RARS2: variants seen among roughly 807,000 people sequenced by gnomAD.
RARS2 encodes probable arginine--tRNA ligase, mitochondrial.
RARS2 carries 67 observed loss-of-function variants against 88.5 expected under a neutral mutation model. The observed-to-expected ratio is 0.76, with a 90% CI of 0.62 to 0.93. The LOEUF (loss-of-function observed/expected upper bound fraction) is 0.93, where lower values mean the gene tolerates loss of function less well. Ranked by LOEUF, RARS2 falls within the 40% of genes least tolerant of loss-of-function variation. The probability of loss-of-function intolerance (pLI) is 0.00; values close to 1 mark genes in which losing one functional copy is unlikely to be tolerated. For synonymous variants in RARS2, 239 were observed against 230.3 expected (o/e 1.04, Z -0.34); for missense variants, 664 against 684.2 (o/e 0.97, Z 0.33).
chr6:87,561,011 T>C (rs1379912310), intron 4 of RARS2, among the ~76,000 whole-genome samples: 2 of 152,250 alleles, frequency 1.3e-5, no homozygotes, highest in African/African-American at 2.4e-5. Context: ...TAATACTTCA[T>C]TATAAATGAC....
chr6:87,548,726 T>A (rs1479973360), intron 5 of RARS2, 80 bp from the exon 6 acceptor site: 1 of 1,318,162 alleles, frequency 7.6e-7, no homozygotes, highest in Non-Finnish European at 1.1e-6. Context: ...CTCCATACTT[T>A]GACAAAACTG....
intron 5 of RARS2, among the ~76,000 whole-genome samples, chr6:87,552,735 G>A (rs945301378): frequency 6.6e-6 from 1 of 151,974 alleles, no homozygotes; most frequent in African/African-American, 2.4e-5. Context: ...AGCTTAGCTG[G>A]AGTAAAAAGA....
intron 8 of RARS2, among the ~76,000 whole-genome samples, chr6:87,537,648 T>C (rs1373874253): frequency 6.6e-6 from 1 of 152,140 alleles, no homozygotes; most frequent in East Asian, 1.9e-4. Context: ...GAAGACATGG[T>C]CCTTCCTCTC....
intron 8 of RARS2, among the ~76,000 whole-genome samples, chr6:87,537,274 A>C (rs1779483903): frequency 1.3e-5 from 2 of 152,252 alleles, no homozygotes; most frequent in Non-Finnish European, 2.9e-5. Context: ...GGATGAAAGA[A>C]AGGAAAATTC....
intron 1 of RARS2, among the ~76,000 whole-genome samples, chr6:87,584,319 A>G (rs952621673): frequency 4.6e-5 from 7 of 152,322 alleles, no homozygotes; most frequent in African/African-American, 1.7e-4. Context: ...TTCTGCTACC[A>G]TCCATGGAAC....
At chr6:87,520,359 A>G (rs934371394) in intron 12 of RARS2, 103 bp from the exon 13 acceptor site, 12 of 907,686 alleles carry the variant, frequency 1.3e-5, no homozygotes, top group Non-Finnish European at 1.9e-5. Context: ...CTGACAGACT[A>G]AAGTCGTCAA....
At chr6:87,576,763 A>G (rs746969795) in intron 1 of RARS2, among the ~76,000 whole-genome samples, 39 of 152,352 alleles carry the variant, frequency 2.6e-4, no homozygotes, top group African/African-American at 9.1e-4. Context: ...CTGAATCTAC[A>G]TATCAAGATA....
chr6:87,526,283 A>G (rs35773999), intron 10 of RARS2, among the ~76,000 whole-genome samples: 62,984 of 152,084 alleles, frequency 0.41, 13,145 homozygotes, highest in Admixed American at 0.48. Flanking sequence ...TGGGGGGCCA[A>G]GGCAAGTGGA....
chr6:87,545,455 T>C (rs865967170), intron 7 of RARS2, among the ~76,000 whole-genome samples, 161 bp downstream of exon 7: 1 of 123,284 alleles, frequency 8.1e-6, no homozygotes, highest in African/African-American at 3.0e-5. Flanking sequence ...CTCAAATAAA[T>C]AGAAGATTTT....
At chr6:87,540,836 G>A (rs964349512) in intron 8 of RARS2, among the ~76,000 whole-genome samples, 1 of 152,118 alleles carries the variant, frequency 6.6e-6, no homozygotes, top group Non-Finnish European at 1.5e-5. Context: ...AAATAGAGTA[G>A]GCAGAAATTC....
chr6:87,555,283 C>A, intron 5 of RARS2, 125 bp downstream of exon 5: 1 of 689,770 alleles, frequency 1.4e-6, no homozygotes, highest in Non-Finnish European at 2.5e-6. Context: ...CAAGAAATAA[C>A]ATAATTGCAC....
chr6:87,520,870 G>A (rs1016298794), intron 12 of RARS2, among the ~76,000 whole-genome samples: 1 of 152,206 alleles, frequency 6.6e-6, no homozygotes. Flanking sequence ...TTATTAAGTG[G>A]CTGACCACGA....
chr6:87,582,164 T>C (rs1773751713), intron 1 of RARS2, among the ~76,000 whole-genome samples: 1 of 152,208 alleles, frequency 6.6e-6, no homozygotes, highest in Non-Finnish European at 1.5e-5. Context: ...TGGTACTAGA[T>C]CTTTGAGGAA....
At chr6:87,517,325 G>C (rs563704607) in intron 17 of RARS2, among the ~76,000 whole-genome samples, 1 of 152,268 alleles carries the variant, frequency 6.6e-6, no homozygotes, top group African/African-American at 2.4e-5. Flanking sequence ...GTGTACATTT[G>C]AAGGCAAAGG....
chr6:87,575,615 T>C (rs1771245588), intron 1 of RARS2, among the ~76,000 whole-genome samples: 2 of 152,004 alleles, frequency 1.3e-5, no homozygotes, highest in African/African-American at 2.4e-5. Flanking sequence ...CCTGTGTAAA[T>C]AGTTGTAAAC....
At chr6:87,560,613 T>C (rs1787533096) in intron 4 of RARS2, among the ~76,000 whole-genome samples, 1 of 152,194 alleles carries the variant, frequency 6.6e-6, no homozygotes, top group Non-Finnish European at 1.5e-5. Context: ...AATATGCAAA[T>C]GATGGCAGGG....
At chr6:87,515,243 A>T (rs1771180881) in intron 18 of RARS2, among the ~76,000 whole-genome samples, 1 of 152,158 alleles carries the variant, frequency 6.6e-6, no homozygotes, top group African/African-American at 2.4e-5. Context: ...ATGATTTCGC[A>T]GGGCGCAGTG....
Position 87,588,970 on chromosome 6 carries a change from T to C in RARS2, c.36+952A>G, listed in dbSNP as rs551713830. Among the ~76,000 whole-genome samples the C allele has an allele frequency of 2.6e-5, 4 of 152,332 alleles. No individual in the cohort carries two copies. In the South Asian group the frequency reaches 6.2e-4, roughly 24 times the overall value. On this transcript the variant is annotated intron_variant, in intron 1 of 19. Transcript: ENST00000369536. The stretch of plus-strand genomic sequence containing the variant: ...TCTTAACAAAATGTCATGTTGGTGA[T>C]ATTTGGCGAATTATCACCGGACAGG...
chr6:87,516,921 A>AC, intron 17 of RARS2, 41 bp from the exon 18 acceptor site: 1 of 1,611,906 alleles, frequency 6.2e-7, no homozygotes, highest in South Asian at 1.1e-5. Context: ...AAGACTGTAC[A>AC]CATTACACTA....
Sources: allele counts gnomAD v4.1 joint callset (sites outside exome capture counted in the v4.1 genomes callset), GRCh38; gene constraint gnomAD v4.1.1; transcripts MANE v1.5; gene names NCBI Gene and HGNC (gene_info 2026-07-23, HGNC 2026-07-21).